The following TCEANC variants were observed in gnomAD, a reference collection of about 807,000 sequenced individuals.
TCEANC encodes the protein transcription elongation factor A N-terminal and central domain containing.
In TCEANC, 8 loss-of-function variants were observed where a neutral mutation model predicts 8.7. The observed-to-expected ratio is 0.92, with a 90% CI of 0.54 to 1.65. TCEANC has a LOEUF of 1.65. Among genes scored for constraint, TCEANC ranks in the 40% most tolerant of loss-of-function variants. TCEANC has a pLI of 0.00. For synonymous variants in TCEANC, 78 were observed against 92.9 expected (o/e 0.84, Z 0.92); for missense variants, 255 against 251.9 (o/e 1.01, Z -0.08).
intron 1 of TCEANC, among the ~76,000 whole-genome samples, chrX:13,659,121 G>C (rs1235328331): frequency 8.9e-6 from 1 of 112,436 alleles, no homozygotes; most frequent in East Asian, 2.8e-4. Flanking sequence ...GTCTGCTTCA[G>C]ATCTTGAAGT....
In TCEANC at chrX:13,655,384, G is replaced by A. The variant is rs1312340004; in HGVS notation, c.-9+11G>A. The A allele has an allele frequency of 2.7e-5, 3 of 112,250 alleles. No individual in the cohort carries two copies. The highest frequency in any genetic ancestry group is 5.6e-5 in the Non-Finnish European group (3 of 53,255). The allele number at this position is 112,250 out of a possible 1,213,427, so 9.3% of individuals were successfully genotyped here. A position where few individuals can be genotyped will look rare whatever the true frequency, so the allele number is the denominator to read the frequency against. ...TTCCACTGTGAAGAGGTAAGTGAGAGGGTGAATATCAGGAATTGTGTACAT... is the reference window on the plus strand; with the variant it reads ...TTCCACTGTGAAGAGGTAAGTGAGAAGGTGAATATCAGGAATTGTGTACAT... On this transcript the variant is annotated intron_variant, in intron 1 of 1. Coordinates refer to ENST00000380600, the Ensembl canonical transcript of TCEANC.
chrX:13,656,912 A>G (rs190358526), intron 1 of TCEANC, among the ~76,000 whole-genome samples: 2 of 112,473 alleles, frequency 1.8e-5, no homozygotes, highest in Admixed American at 9.4e-5. Context: ...ATCCATAGAG[A>G]CAGAAAGTCG....
chrX:13,664,639 C>G (rs145370584), exon 2 of TCEANC: 1,315 of 122,653 alleles, frequency 0.011, 10 homozygotes, highest in South Asian at 0.014. Flanking sequence ...TTCTCAAGGA[C>G]AAGTGTCCTT....
exon 2 of TCEANC, chrX:13,665,199 T>G (rs2046006522): frequency 8.1e-6 from 1 of 123,803 alleles, no homozygotes; most frequent in South Asian, 3.6e-4. Flanking sequence ...AAACTTGAAG[T>G]TTCACAAAGT....
upstream of TCEANC, among the ~76,000 whole-genome samples, chrX:13,653,578 C>T (rs2045900680): frequency 8.9e-6 from 1 of 111,755 alleles, no homozygotes; most frequent in Non-Finnish European, 1.9e-5. Flanking sequence ...AGTGGCTGTT[C>T]AGTAACCGCT....
chrX:13,655,923 A>G, intron 1 of TCEANC, among the ~76,000 whole-genome samples: 1 of 112,309 alleles, frequency 8.9e-6, no homozygotes, highest in South Asian at 3.6e-4. Context: ...TCTTTTTGCC[A>G]CTGGCCAAGG....
intron 1 of TCEANC, 141 bp from the exon 5 acceptor site, chrX:13,662,360 G>T: frequency 1.9e-6 from 1 of 513,959 alleles, no homozygotes; most frequent in Non-Finnish European, 3.2e-6. Context: ...CCATTTTCTA[G>T]CGTGTCGCAT....
rs760884388 is a variant in TCEANC, at chrX:13,662,684, G to T, written c.176G>T (p.Cys59Phe). ...GCTGTGTACAGAGTCCTCAAAAACT[G>T]CCCCTCTGTGGCTTTGAAAAAGAAA... The change falls in exon 2 of 2, where the codon TGC becomes TTC. Residue 59 changes from cysteine (C) to phenylalanine (F), a missense_variant. Transcript: ENST00000380600. The T allele has an allele frequency of 6.6e-6, 8 of 1,210,047 alleles. No homozygotes were observed. The African/African-American group carries it at 1.4e-4, about 21-fold the overall frequency.
At chrX:13,654,895 G>T (rs1256217208), upstream of TCEANC, among the ~76,000 whole-genome samples, 1 of 110,816 alleles carries the variant, frequency 9.0e-6, no homozygotes, top group Admixed American at 9.7e-5. Flanking sequence ...TAGAATTTTT[G>T]AATGATTTTT....
At chrX:13,662,379 A>G in intron 1 of TCEANC, 122 bp from the exon 5 acceptor site, 1 of 599,137 alleles carries the variant, frequency 1.7e-6, no homozygotes, top group East Asian at 3.3e-5. Context: ...ATACATTTGT[A>G]TTACATGACT....
upstream of TCEANC, among the ~76,000 whole-genome samples, chrX:13,654,939 C>T (rs760535267): frequency 9.0e-5 from 10 of 110,703 alleles, no homozygotes; most frequent in East Asian, 2.0e-3. Context: ...TGGTCTCCTA[C>T]GAAAGAAGCC....
At chrX:13,658,841 T>C (rs2045944211) in intron 1 of TCEANC, among the ~76,000 whole-genome samples, 1 of 112,299 alleles carries the variant, frequency 8.9e-6, no homozygotes, top group African/African-American at 3.2e-5. Context: ...AGCTGGAATG[T>C]AGAAAACCTG....
At chrX:13,659,502 A>G (rs1190892127) in intron 1 of TCEANC, among the ~76,000 whole-genome samples, 150 bp from the exon 3 acceptor site, 7 of 112,356 alleles carry the variant, frequency 6.2e-5, no homozygotes, top group Non-Finnish European at 1.1e-4. Flanking sequence ...GTATTTATGT[A>G]TAAACAACCA....
exon 2 of TCEANC, chrX:13,663,045 GCTT>G: frequency 8.3e-7 from 1 of 1,211,294 alleles, no homozygotes; most frequent in South Asian, 1.8e-5. Context: ...AATGCATAGA[GCTT>G]CTTTACGCAG....
upstream of TCEANC, among the ~76,000 whole-genome samples, chrX:13,654,858 GT>G (rs772735739): frequency 6.5e-5 from 7 of 107,358 alleles, no homozygotes; most frequent in South Asian, 4.1e-4. Context: ...TGTTTGTTTT[GT>G]TTTTTTTAAC....
chrX:13,654,472 A>G (rs180817083), upstream of TCEANC, among the ~76,000 whole-genome samples: 64 of 112,791 alleles, frequency 5.7e-4, no homozygotes, highest in Non-Finnish European at 1.1e-3. Context: ...AGCCTAGAAT[A>G]TATACCTTCT....
intron 1 of TCEANC, among the ~76,000 whole-genome samples, chrX:13,656,698 A>G (rs192829826): frequency 3.4e-4 from 39 of 113,280 alleles, no homozygotes; most frequent in African/African-American, 1.2e-3. Context: ...GAAGCAACTC[A>G]AGTATCCGTT....
chrX:13,660,452 A>G (rs924515490), intron 1 of TCEANC, among the ~76,000 whole-genome samples: 6 of 111,410 alleles, frequency 5.4e-5, no homozygotes, highest in Non-Finnish European at 7.5e-5. Flanking sequence ...CCTTCACCCC[A>G]CTGCCCTTCT....
chrX:13,660,334 T>C (rs759282662), intron 1 of TCEANC, among the ~76,000 whole-genome samples: 1 of 112,035 alleles, frequency 8.9e-6, no homozygotes, highest in South Asian at 3.7e-4. Flanking sequence ...TTCAGTGTTT[T>C]TTAGTATACT....
Sources: gnomAD v4.1 joint callset for allele counts (sites outside exome capture counted in the v4.1 genomes callset) on GRCh38, gnomAD v4.1.1 for gene constraint, MANE v1.5 for transcripts, NCBI Gene and HGNC (gene_info 2026-07-23, HGNC 2026-07-21) for gene names.